Variants in SERPINB10 observed in about 807,000 individuals in gnomAD.
The protein encoded by SERPINB10 is serpin family B member 10.
Under a neutral mutation model 39.1 loss-of-function variants are expected in SERPINB10, and 35 were observed. The ratio of observed to expected loss-of-function variants is 0.90; its 90% CI spans 0.68 to 1.19. The LOEUF (loss-of-function observed/expected upper bound fraction) is 1.19. Ranked by LOEUF, SERPINB10 falls within the 50% of genes most tolerant of loss-of-function variation. The probability of loss-of-function intolerance (pLI) is 0.00; values close to 1 mark genes in which losing one functional copy is unlikely to be tolerated. For missense variants in SERPINB10, 546 were observed against 460.5 expected, an observed-to-expected ratio of 1.19 and a Z score of -1.70; for synonymous variants, 190 against 158.1, an observed-to-expected ratio of 1.20 and a Z score of -1.52.
chr18:63,922,990 G>A (rs2050156953), intron 5 of SERPINB10, among the ~76,000 whole-genome samples: 1 of 151,868 alleles, frequency 6.6e-6, no homozygotes, highest in African/African-American at 2.4e-5. Flanking sequence ...TTTACTTTAT[G>A]GAAGAAAGGG....
intron 1 of SERPINB10, 79 bp from the exon 2 acceptor site, chr18:63,915,423 C>G (rs1422094297): frequency 9.7e-7 from 1 of 1,025,852 alleles, no homozygotes; most frequent in Admixed American, 2.2e-5. Context: ...ATGTATGCAA[C>G]TATGAATACA....
chr18:63,931,268 C>T (rs2050220054), intron 6 of SERPINB10, among the ~76,000 whole-genome samples: 1 of 152,112 alleles, frequency 6.6e-6, no homozygotes, highest in African/African-American at 2.4e-5. Flanking sequence ...TCTCTAGTTG[C>T]TACTCTCATT....
At chr18:63,917,348 A>T in intron 2 of SERPINB10, 108 bp from the exon 3 acceptor site, 1 of 563,220 alleles carries the variant, frequency 1.8e-6, no homozygotes, top group East Asian at 3.4e-5. Context: ...TTAACTAATT[A>T]TATGTTCTGC....
Position 63,907,984 on chromosome 18 carries a change from C to T in SERPINB10, c.-66C>T. The T allele has an allele frequency of 3.0e-6, 1 of 334,614 alleles. No individual in the cohort carries two copies. The highest frequency in any genetic ancestry group is 4.9e-4 in the Middle Eastern group (1 of 2,024). The allele number at this position is 334,614 out of a possible 1,614,324, so 20.7% of individuals were successfully genotyped here. On this transcript the variant is annotated 5_prime_UTR_variant, in exon 1 of 8. Coordinates refer to ENST00000238508, the MANE Select transcript of SERPINB10 (RefSeq NM_005024.3). Reference sequence around the variant, plus strand: ...GTTGAAAGTTTCTCAACTCTTCAGCCACAATCTCTTACTACAGGAGCAAAT... The same window carrying T: ...GTTGAAAGTTTCTCAACTCTTCAGCTACAATCTCTTACTACAGGAGCAAAT...
intron 1 of SERPINB10, among the ~76,000 whole-genome samples, chr18:63,910,460 C>A (rs890085830): frequency 5.3e-5 from 8 of 151,822 alleles, no homozygotes; most frequent in Non-Finnish European, 1.0e-4. Context: ...CCATTCTCTG[C>A]CTCCCCATTC....
At chr18:63,927,377 C>T (rs528474218) in intron 5 of SERPINB10, among the ~76,000 whole-genome samples, 2 of 152,078 alleles carry the variant, frequency 1.3e-5, no homozygotes, top group African/African-American at 4.8e-5. Context: ...ATTACAGCTG[C>T]TATAACAAAA....
intron 5 of SERPINB10, among the ~76,000 whole-genome samples, chr18:63,921,851 G>A (rs752250533): frequency 2.0e-5 from 3 of 151,688 alleles, no homozygotes; most frequent in Non-Finnish European, 4.4e-5. Context: ...AGAATGTCCC[G>A]AACTCCCTGT....
intron 6 of SERPINB10, among the ~76,000 whole-genome samples, chr18:63,932,499 C>A (rs1205809464): frequency 6.6e-6 from 1 of 152,028 alleles, no homozygotes; most frequent in African/African-American, 2.4e-5. Context: ...TTTTCATGTG[C>A]TGTATGTCTT....
chr18:63,932,129 A>G (rs1035262949), intron 6 of SERPINB10, among the ~76,000 whole-genome samples: 5 of 152,302 alleles, frequency 3.3e-5, no homozygotes, highest in Admixed American at 3.3e-4. Context: ...CAATTGTACC[A>G]CAGTTTGTTA....
intron 5 of SERPINB10, among the ~76,000 whole-genome samples, chr18:63,928,633 G>A (rs2050196866): frequency 1.3e-5 from 2 of 152,010 alleles, no homozygotes; most frequent in Admixed American, 1.3e-4. Context: ...AATGACCTTG[G>A]GCAGTATGGC....
intron 2 of SERPINB10, 142 bp downstream of exon 2, chr18:63,915,820 C>G: frequency 1.4e-6 from 1 of 715,124 alleles, no homozygotes; most frequent in Non-Finnish European, 2.1e-6. Context: ...TTAAAACATT[C>G]TATACCATAA....
At position 63,915,564 on chromosome 18, in the gene SERPINB10, G is replaced by T. The variant is rs777956377; in HGVS notation, c.54G>T (p.Lys18Asn). The T allele has an allele frequency of 1.2e-6, 2 of 1,612,596 alleles. No homozygotes were observed. Among genetic ancestry groups the T allele is most frequent in the South Asian group, 1.1e-5 (1 of 91,028 alleles). Residue 18 changes from lysine (K) to asparagine (N), a missense_variant, in exon 2 of 8, where the codon AAG becomes AAT. Physicochemically the swap from Lys to Asn is moderately conservative, Grantham distance 94 (BLOSUM62 0). Coordinates refer to ENST00000238508, the MANE Select transcript of SERPINB10 (RefSeq NM_005024.3). ...INQFALELSK[K>N]LAESAQGKNI... is the part of the protein sequence containing the mutation. ...AGTTTGCCCTGGAGTTGAGCAAAAA[G>T]CTAGCTGAATCTGCTCAGGGTAAAA...
rs111658735 is a variant in SERPINB10, at chr18:63,928,873, A to T, written c.491-1172A>T. Among the ~76,000 whole-genome samples, 289 of 150,440 alleles carry T rather than the reference A, an allele frequency of 1.9e-3. 3 individuals are homozygous for T. Among genetic ancestry groups the T allele is most frequent in the African/African-American group, 6.8e-3 (273 of 40,426 alleles). On this transcript the variant is annotated intron_variant, in intron 5 of 7. Transcript: ENST00000238508. Reference sequence around the variant, plus strand: ...TTGTTGGTGTATAAGAATGCTTGTGATTTTTGTACATTGATTTTGTATCCT... The same window carrying T: ...TTGTTGGTGTATAAGAATGCTTGTGTTTTTTGTACATTGATTTTGTATCCT...
intron 1 of SERPINB10, 84 bp from the exon 2 acceptor site, chr18:63,915,418 T>C: frequency 1.0e-6 from 1 of 966,500 alleles, no homozygotes; most frequent in Non-Finnish European, 1.6e-6. Context: ...TGGATATGTA[T>C]GCAACTATGA....
intron 5 of SERPINB10, among the ~76,000 whole-genome samples, chr18:63,922,358 T>C (rs970073006): frequency 2.6e-5 from 4 of 152,022 alleles, no homozygotes; most frequent in African/African-American, 9.7e-5. Flanking sequence ...TACTAGGTAC[T>C]TGCACTTTTG....
chr18:63,926,085 C>T (rs550030072), intron 5 of SERPINB10, among the ~76,000 whole-genome samples: 33 of 152,076 alleles, frequency 2.2e-4, no homozygotes, highest in African/African-American at 7.7e-4. Context: ...TGTATTCTCT[C>T]ACAGTTTTGG....
In SERPINB10 at chr18:63,935,130, T is replaced by G; in HGVS notation, c.1082T>G (p.Ile361Arg). 1 of 1,613,768 alleles carries G rather than the reference T, an allele frequency of 6.2e-7. No homozygotes were observed. Among genetic ancestry groups the G allele is most frequent in the East Asian group, 2.2e-5 (1 of 44,890 alleles). Reference sequence around the variant, plus strand: ...GCTGGCAGTGGGAGTGAGATAGATATACGAATTAGAGTCCCATCCATTGAA... The same window carrying G: ...GCTGGCAGTGGGAGTGAGATAGATAGACGAATTAGAGTCCCATCCATTGAA... ...AAAGSGSEIDIRIRVPSIEFN... is the reference protein window; with the variant it reads ...AAAGSGSEIDRRIRVPSIEFN... Residue 361 changes from isoleucine to arginine, a missense_variant, in exon 8 of 8, where the codon ATA becomes AGA. Coordinates refer to ENST00000238508, the MANE Select transcript of SERPINB10 (RefSeq NM_005024.3).
In SERPINB10 at chr18:63,920,013, A is replaced by C. The variant is rs542220509; in HGVS notation, c.490+108A>C. 2.5e-5 allele frequency: 15 copies of C among 590,950 alleles called. No homozygotes were observed. The East Asian group carries it at 4.2e-4, about 16-fold the overall frequency. 36.6% of individuals were successfully genotyped at this position (590,950 alleles called of 1,614,324 possible). ...GTATACTCCTTAAATAGAAGTGTGG[A>C]CACATTGTAAATATTCAGAACATTT... On this transcript the variant is annotated intron_variant, in intron 5 of 7. Transcript: ENST00000238508.
At chr18:63,925,129 A>G (rs9957733) in intron 5 of SERPINB10, among the ~76,000 whole-genome samples, 45,567 of 151,860 alleles carry the variant, frequency 0.3, 7,264 homozygotes, top group African/African-American at 0.4. Flanking sequence ...GAAATTACAA[A>G]TAAGGCAAAG....
Sources: allele counts gnomAD v4.1 joint callset (sites outside exome capture counted in the v4.1 genomes callset), GRCh38; gene constraint gnomAD v4.1.1; transcripts MANE v1.5; gene names NCBI Gene and HGNC (gene_info 2026-07-23, HGNC 2026-07-21).